GSE1: variants seen among roughly 807,000 people sequenced by gnomAD.
The protein encoded by GSE1 is Gse1 coiled-coil protein, also known as genetic suppressor element 1.
In GSE1, 32 loss-of-function variants were observed where a neutral mutation model predicts 112.6. The observed-to-expected ratio is 0.28, with a 90% CI of 0.21 to 0.38. The LOEUF (loss-of-function observed/expected upper bound fraction) is 0.38. Ranked by LOEUF, GSE1 falls within the 10% of genes least tolerant of loss-of-function variation. The pLI is 1.00. For synonymous variants in GSE1, 1,115 were observed against 735.6 expected (o/e 1.52, Z -8.35); for missense variants, 2,348 against 1,699.2 (o/e 1.38, Z -6.71).
At chr16:85,187,587 A>G (rs935743909) in intron 1 of GSE1, among the ~76,000 whole-genome samples, 2 of 152,250 alleles carry the variant, frequency 1.3e-5, no homozygotes, top group African/African-American at 2.4e-5. Context: ...CCCAGGCTTC[A>G]GGAACAGTCG....
chr16:85,519,281 T>A (rs1419950177), intron 2 of GSE1, among the ~76,000 whole-genome samples: 3 of 113,200 alleles, frequency 2.7e-5, no homozygotes, highest in Non-Finnish European at 4.3e-5. Context: ...ATCATCACCA[T>A]CACCACCACC....
intron 13 of GSE1, chr16:85,666,607 G>C: frequency 1.9e-6 from 1 of 516,250 alleles, no homozygotes; most frequent in Non-Finnish European, 3.5e-6. Flanking sequence ...CGCATCGATC[G>C]GTAAGAGGTA....
intron 2 of GSE1, among the ~76,000 whole-genome samples, chr16:85,464,624 C>T (rs1055434423): frequency 1.4e-4 from 21 of 152,328 alleles, no homozygotes; most frequent in African/African-American, 5.1e-4. Context: ...CTCACGAAGC[C>T]TCGGGAATGT....
chr16:85,473,782 G>T (rs994441059), intron 2 of GSE1, among the ~76,000 whole-genome samples: 4 of 152,138 alleles, frequency 2.6e-5, no homozygotes, highest in African/African-American at 9.7e-5. Context: ...GGGGCGGAGG[G>T]GGGGTCACCA....
chr16:85,658,586 C>A (rs549126301), intron 8 of GSE1, among the ~76,000 whole-genome samples: 1 of 152,344 alleles, frequency 6.6e-6, no homozygotes, highest in South Asian at 2.1e-4. Flanking sequence ...CCCCGCTGAT[C>A]AGGGATGACT....
At chr16:85,227,180 T>C (rs1260036618) in intron 1 of GSE1, among the ~76,000 whole-genome samples, 1 of 152,172 alleles carries the variant, frequency 6.6e-6, no homozygotes, top group Non-Finnish European at 1.5e-5. Flanking sequence ...AGGCAGTGGA[T>C]TTTATGCTGA....
chr16:85,276,769 A>G (rs545610698), intron 1 of GSE1, among the ~76,000 whole-genome samples: 1 of 152,170 alleles, frequency 6.6e-6, no homozygotes, highest in East Asian at 1.9e-4. Context: ...CAGCAGCAGG[A>G]TGTCACCCAG....
rs142937683 is a variant in GSE1 at position 85,587,176 on chromosome 16, C to T, written c.37+30813C>T. Among the ~76,000 whole-genome samples the T allele has an allele frequency of 9.3e-3, 1,401 of 150,516 alleles. 10 individuals carry two copies. Among genetic ancestry groups the T allele is most frequent in the Non-Finnish European group, 0.012 (830 of 66,952 alleles). ...TCTGGTCTGAGGACGAAACCCCCCCCCCCCCAGACCAGACCCCATGGTCTG... is the reference window on the plus strand; with the variant it reads ...TCTGGTCTGAGGACGAAACCCCCCCTCCCCCAGACCAGACCCCATGGTCTG... On this transcript the variant is annotated intron_variant, in intron 1 of 2. Coordinates refer to the GSE1 transcript ENST00000635906.
At chr16:85,584,570 GT>G (rs2046601293) in intron 1 of GSE1, among the ~76,000 whole-genome samples, 1 of 152,202 alleles carries the variant, frequency 6.6e-6, no homozygotes, top group South Asian at 2.1e-4. Flanking sequence ...AGGTGGAGCA[GT>G]TTCCCCCACC....
chr16:85,509,551 G>T (rs1355732788), intron 2 of GSE1, among the ~76,000 whole-genome samples: 1 of 152,344 alleles, frequency 6.6e-6, no homozygotes, highest in African/African-American at 2.4e-5. Flanking sequence ...CCTGGCCCTC[G>T]CTGTCATCAG....
intron 1 of GSE1, among the ~76,000 whole-genome samples, chr16:85,598,578 C>T (rs73271208): frequency 0.16 from 24,226 of 152,284 alleles, 6,313 homozygotes; most frequent in African/African-American, 0.55. Flanking sequence ...CCGTAGTGCC[C>T]GGACCCCGGG....
intron 1 of GSE1, among the ~76,000 whole-genome samples, chr16:85,602,599 T>C (rs2047516120): frequency 6.6e-6 from 1 of 152,112 alleles, no homozygotes; most frequent in African/African-American, 2.4e-5. Context: ...TCTCTGGGCA[T>C]GTAGCCTATC....
chr16:85,614,396 C>T (rs990043080), intron 1 of GSE1, among the ~76,000 whole-genome samples: 7 of 152,172 alleles, frequency 4.6e-5, no homozygotes, highest in Non-Finnish European at 7.4e-5. Flanking sequence ...CTCACCCTCC[C>T]TGCGCCCGCC....
intron 2 of GSE1, among the ~76,000 whole-genome samples, chr16:85,543,830 C>T (rs1384444598): frequency 2.0e-5 from 3 of 147,208 alleles, no homozygotes; most frequent in African/African-American, 8.0e-5. Flanking sequence ...GACAGTTGGC[C>T]GTATCTGGAA....
chr16:85,617,583 C>T (rs1323513457), intron 1 of GSE1, among the ~76,000 whole-genome samples: 4 of 135,290 alleles, frequency 3.0e-5, no homozygotes, highest in South Asian at 2.4e-4. Context: ...CCTGGGCATC[C>T]GTGTGTCAAC....
chr16:85,651,016 T>G, intron 3 of GSE1, among the ~76,000 whole-genome samples: 1 of 123,370 alleles, frequency 8.1e-6, no homozygotes, highest in Non-Finnish European at 1.8e-5. Context: ...CACCGGAGAA[T>G]GACGGATTTG....
intron 1 of GSE1, among the ~76,000 whole-genome samples, chr16:85,329,090 C>T (rs1279353968): frequency 2.0e-5 from 3 of 152,160 alleles, no homozygotes; most frequent in Non-Finnish European, 2.9e-5. Context: ...AACACTTGAA[C>T]TCTGCCCTAG....
chr16:85,173,731 G>C (rs550575008), intron 1 of GSE1, among the ~76,000 whole-genome samples: 1 of 152,314 alleles, frequency 6.6e-6, no homozygotes, highest in South Asian at 2.1e-4. Flanking sequence ...CGTCGGCCTT[G>C]ACTGATAAGA....
intron 11 of GSE1, 30 bp from the exon 12 acceptor site, chr16:85,664,985 C>A: frequency 1.5e-6 from 2 of 1,347,136 alleles, no homozygotes; most frequent in Non-Finnish European, 2.1e-6. Context: ...ATGCAACTGG[C>A]TCGTTAATCT....
Sources: gnomAD v4.1 joint callset for allele counts (sites outside exome capture counted in the v4.1 genomes callset) on GRCh38, gnomAD v4.1.1 for gene constraint, MANE v1.5 for transcripts, NCBI Gene and HGNC (gene_info 2026-07-23, HGNC 2026-07-21) for gene names.